GABBR2: variants seen among roughly 807,000 people sequenced by gnomAD.
The protein encoded by GABBR2 is G-protein coupled receptor 51.
GABBR2 carries 23 observed loss-of-function variants against 105.6 expected under a neutral mutation model. That is an observed-to-expected ratio of 0.22 (90% CI 0.16 to 0.31). The LOEUF (loss-of-function observed/expected upper bound fraction) is 0.31, where lower values mean the gene tolerates loss of function less well. Ranked by LOEUF, GABBR2 falls within the 10% of genes least tolerant of loss-of-function variation. GABBR2 has a pLI of 1.00. For synonymous variants in GABBR2, 478 were observed against 499.7 expected, an observed-to-expected ratio of 0.96 and a Z score of 0.58; for missense variants, 734 against 1,245.5, an observed-to-expected ratio of 0.59 and a Z score of 6.18.
chr9:98,394,249 C>G lies in GABBR2; in HGVS notation c.1304G>C (p.Arg435Thr). ...TIKFTQFQDS[R>T]EVKVGEYNAV... Reference sequence around the variant, plus strand: ...GTTGTACTCTCCCACCTTCACCTCCCTGCTGTCTGTGGGGAGCAAAAGACA... The same window carrying G: ...GTTGTACTCTCCCACCTTCACCTCCGTGCTGTCTGTGGGGAGCAAAAGACA... The change falls in exon 9 of 19, where the codon AGG becomes ACG. Residue 435 changes from arginine to threonine, a missense_variant. Physicochemically the swap from Arg to Thr is moderately conservative, Grantham distance 71. This residue lies in a region of GABBR2 where 370 missense variants were observed against 648.9 expected (regional missense o/e 0.57). Coordinates refer to ENST00000259455, the MANE Select transcript of GABBR2 (RefSeq NM_005458.8). 6.2e-7 allele frequency: 1 copy of G among 1,612,898 alleles called. No homozygotes were observed. The highest frequency in any genetic ancestry group is 8.5e-7 in the Non-Finnish European group (1 of 1,178,900).
chr9:98,410,133 G>GTTTTTTTTT (rs1554702245), intron 7 of GABBR2, among the ~76,000 whole-genome samples: 6 of 132,412 alleles, frequency 4.5e-5, no homozygotes, highest in African/African-American at 1.7e-4. Context: ...TTTTTTTTTG[G>GTTTTTTTTT]TTTCCCTCCC....
At chr9:98,631,160 CTGAGT>C (rs1829811814) in intron 1 of GABBR2, among the ~76,000 whole-genome samples, 1 of 152,152 alleles carries the variant, frequency 6.6e-6, no homozygotes, top group Non-Finnish European at 1.5e-5. Context: ...CAAAATTAGA[CTGAGT>C]TGATTTTCAA....
At chr9:98,396,713 G>C (rs1832298072) in intron 8 of GABBR2, among the ~76,000 whole-genome samples, 1 of 152,166 alleles carries the variant, frequency 6.6e-6, no homozygotes, top group South Asian at 2.1e-4. Flanking sequence ...ATTTGAGGCA[G>C]GGAGGCAGCG....
intron 13 of GABBR2, among the ~76,000 whole-genome samples, chr9:98,342,057 A>G (rs1183953573): frequency 6.6e-6 from 1 of 152,134 alleles, no homozygotes; most frequent in Non-Finnish European, 1.5e-5. Flanking sequence ...GGTCACAGAC[A>G]AGAGGGGACC....
intron 13 of GABBR2, among the ~76,000 whole-genome samples, chr9:98,348,765 T>G (rs1175572763): frequency 6.6e-6 from 1 of 152,232 alleles, no homozygotes; most frequent in African/African-American, 2.4e-5. Context: ...TTTTACATCT[T>G]GATTTTCTAT....
Position 98,303,239 on chromosome 9 carries a change from A to T in GABBR2, c.2412+2T>A, listed in dbSNP as rs1418532691. The T allele has an allele frequency of 6.2e-7, 1 of 1,611,454 alleles. No individual in the cohort carries two copies. Among genetic ancestry groups the T allele is most frequent in the Non-Finnish European group, 8.5e-7 (1 of 1,178,010 alleles). On this transcript the variant is annotated splice_donor_variant, in intron 16 of 18. Transcript: ENST00000259455. LOFTEE classifies it high-confidence loss of function. The stretch of plus-strand genomic sequence containing the variant: ...CCAGCTACCAGATGCAGAGGGAGGT[A>T]CCTCTGTGATCTTCATTCGCAGGCG...
In GABBR2 at chr9:98,572,418, G is replaced by C. The variant is rs558108933; in HGVS notation, c.459+5517C>G. ...TGGCTGTCTCTGTCCAGCAAGCATT[G>C]CTCCTCCAAAAAGGGCCGCCAGAGC... On this transcript the variant is annotated intron_variant, in intron 2 of 18. Transcript: ENST00000259455. Among the ~76,000 whole-genome samples the C allele has an allele frequency of 1.2e-3, 182 of 152,302 alleles. 1 individual carries two copies. The highest frequency in any genetic ancestry group is 4.1e-3 in the African/African-American group (171 of 41,554).
chr9:98,629,703 CT>C (rs1036249632), intron 1 of GABBR2, among the ~76,000 whole-genome samples: 8 of 152,078 alleles, frequency 5.3e-5, no homozygotes, highest in African/African-American at 1.9e-4. Context: ...CCCCTTTTTT[CT>C]TGATTGTGAT....
rs1293272464 is a variant in GABBR2, at chr9:98,548,233, A to G, written c.460-6190T>C. On this transcript the variant is annotated intron_variant, in intron 2 of 18. Coordinates refer to ENST00000259455, the MANE Select transcript of GABBR2 (RefSeq NM_005458.8). Reference sequence around the variant, plus strand: ...TTATCAAGAGACACATGTGGACGGCACTTGGCCCTGTTTTCTATTTACGTT... The same window carrying G: ...TTATCAAGAGACACATGTGGACGGCGCTTGGCCCTGTTTTCTATTTACGTT... 9.1e-5 allele frequency among the ~76,000 whole-genome samples: 11 copies of G among 121,432 alleles called. 2 individuals carry two copies. Among genetic ancestry groups the G allele is most frequent in the African/African-American group, 2.9e-4 (11 of 37,870 alleles). The allele number at this position is 121,432 out of a possible 152,430, so 79.7% of individuals were successfully genotyped here.
At chr9:98,670,463 A>G (rs1403786982) in intron 1 of GABBR2, among the ~76,000 whole-genome samples, 2 of 152,250 alleles carry the variant, frequency 1.3e-5, no homozygotes, top group Non-Finnish European at 2.9e-5. Context: ...CATATGGTCC[A>G]GCAATTCTAC....
chr9:98,429,365 T>C (rs1825759373), intron 7 of GABBR2, among the ~76,000 whole-genome samples: 2 of 152,234 alleles, frequency 1.3e-5, no homozygotes, highest in African/African-American at 4.8e-5. Context: ...GGTCTTGGAC[T>C]CCTGACCTCA....
At chr9:98,313,568 T>G (rs887422143) in intron 13 of GABBR2, among the ~76,000 whole-genome samples, 2 of 152,174 alleles carry the variant, frequency 1.3e-5, no homozygotes, top group Non-Finnish European at 2.9e-5. Flanking sequence ...AATTGATACA[T>G]CCATACAACT....
chr9:98,538,193 C>T (rs1428542504), intron 3 of GABBR2, among the ~76,000 whole-genome samples: 1 of 152,222 alleles, frequency 6.6e-6, no homozygotes, highest in Non-Finnish European at 1.5e-5. Flanking sequence ...GGATAAATAG[C>T]CCCATTTTAC....
Position 98,693,049 on chromosome 9 carries a change from A to G in GABBR2, c.321+15368T>C, listed in dbSNP as rs188792409. On this transcript the variant is annotated intron_variant, in intron 1 of 18. Transcript: ENST00000259455. Reference sequence around the variant, plus strand: ...TCTCCCTCGACCCCCGGCGTGGCCTATGTTGATAGATCAGCGAGTGTTCCT... The same window carrying G: ...TCTCCCTCGACCCCCGGCGTGGCCTGTGTTGATAGATCAGCGAGTGTTCCT... Among the ~76,000 whole-genome samples, 3 of 152,234 alleles carry G rather than the reference A, an allele frequency of 2.0e-5. No individual in the cohort carries two copies. The East Asian group carries it at 5.8e-4, about 29-fold the overall frequency.
At chr9:98,398,293 A>G (rs930150328) in intron 8 of GABBR2, among the ~76,000 whole-genome samples, 1 of 151,962 alleles carries the variant, frequency 6.6e-6, no homozygotes, top group Non-Finnish European at 1.5e-5. Flanking sequence ...ACAAAAATAA[A>G]AGATTCTATA....
intron 10 of GABBR2, among the ~76,000 whole-genome samples, chr9:98,387,927 T>G (rs1832104126): frequency 6.6e-6 from 1 of 152,144 alleles, no homozygotes; most frequent in South Asian, 2.1e-4. Flanking sequence ...GAATCAGACT[T>G]GTTCCCGACA....
intron 1 of GABBR2, among the ~76,000 whole-genome samples, chr9:98,626,756 G>C (rs1178813597): frequency 4.6e-5 from 7 of 152,162 alleles, no homozygotes; most frequent in Non-Finnish European, 7.4e-5. Context: ...TTTATGTAAA[G>C]TTGCATCCTC....
At chr9:98,612,949 C>T (rs1829526859) in intron 1 of GABBR2, among the ~76,000 whole-genome samples, 1 of 152,344 alleles carries the variant, frequency 6.6e-6, no homozygotes, top group Non-Finnish European at 1.5e-5. Flanking sequence ...TAGAGAAGGG[C>T]TTCCTCTGCT....
At chr9:98,534,062 T>C (rs1251835329) in intron 3 of GABBR2, among the ~76,000 whole-genome samples, 1 of 152,168 alleles carries the variant, frequency 6.6e-6, no homozygotes, top group Non-Finnish European at 1.5e-5. Flanking sequence ...GCAGCAACTT[T>C]AGAGGAGTTG....
Sources: gnomAD v4.1 joint callset for allele counts (sites outside exome capture counted in the v4.1 genomes callset) on GRCh38, gnomAD v4.1.1 for gene constraint, gnomAD v4.1.1 regional missense constraint, MANE v1.5 for transcripts, NCBI Gene and HGNC (gene_info 2026-07-23, HGNC 2026-07-21) for gene names.